LYRM4: variants seen among roughly 807,000 people sequenced by gnomAD.
LYRM4 encodes the protein LYR motif containing 4.
A neutral mutation model predicts 11.7 loss-of-function variants in LYRM4; 9 were observed. The observed-to-expected ratio is 0.77, with a 90% CI of 0.46 to 1.34. The LOEUF is 1.34. LYRM4 is among the 40% of genes most tolerant of loss of function. The probability of loss-of-function intolerance (pLI) is 0.00; values close to 1 mark genes in which losing one functional copy is unlikely to be tolerated. For missense variants in LYRM4, 133 were observed against 112.5 expected, an observed-to-expected ratio of 1.18 and a Z score of -0.82; for synonymous variants, 42 against 40.4, an observed-to-expected ratio of 1.04 and a Z score of -0.15.
chr6:5,086,508 C>T, the LYRM4 span: 1 of 1,535,354 alleles, frequency 6.5e-7, no homozygotes, highest in African/African-American at 1.4e-5. Flanking sequence ...ACTGGGACAA[C>T]AACGCGGGCG....
chr6:5,251,347 G>A (rs1003707607), intron 1 of LYRM4, among the ~76,000 whole-genome samples: 1 of 152,210 alleles, frequency 6.6e-6, no homozygotes, highest in Non-Finnish European at 1.5e-5. Context: ...GAATTAGTCT[G>A]TTCTCACATT....
At position 5,154,804 on chromosome 6, in the gene LYRM4, GC is replaced by G. The variant is rs1561835378; in HGVS notation, c.208-45314del. ...ACTGCACTCCAGCCTGGGCGACAGA[GC>G]GAGACTCCGTCTCAAAAAATAAATG... On this transcript the variant is annotated intron_variant, in intron 2 of 2. Transcript: ENST00000330636. Among the ~76,000 whole-genome samples the G allele has an allele frequency of 2.6e-5, 4 of 152,114 alleles. No homozygotes were observed. The East Asian group carries it at 7.7e-4, about 29-fold the overall frequency.
intron 2 of LYRM4, among the ~76,000 whole-genome samples, chr6:5,168,015 G>A (rs558617630): frequency 5.0e-4 from 76 of 151,890 alleles, no homozygotes; most frequent in Non-Finnish European, 8.8e-4. Context: ...TCCCACTGGC[G>A]GATGTGGGAC....
At chr6:5,062,120 T>C in the LYRM4 span, among the ~76,000 whole-genome samples, 37,653 of 139,860 alleles carry the variant, frequency 0.27, 5,547 homozygotes, top group African/African-American at 0.34. Context: ...GGTCTCGCTC[T>C]GTTGCCCAGG....
intron 2 of LYRM4, chr6:5,113,211 G>A (rs1762962676): frequency 1.1e-5 from 4 of 351,698 alleles, no homozygotes; most frequent in Non-Finnish European, 2.3e-5. Context: ...GAGACGGGTG[G>A]ATCACGAGGT....
intron 2 of LYRM4, among the ~76,000 whole-genome samples, chr6:5,120,119 T>C (rs1443035992): frequency 6.6e-6 from 1 of 152,012 alleles, no homozygotes; most frequent in African/African-American, 2.4e-5. Context: ...CTGGTCATCA[T>C]CTCCTGACCT....
At chr6:5,214,574 T>C (rs947829488) in intron 2 of LYRM4, among the ~76,000 whole-genome samples, 1 of 151,606 alleles carries the variant, frequency 6.6e-6, no homozygotes, top group South Asian at 2.1e-4. Flanking sequence ...TGGGGTGGAG[T>C]AGGGGCAGGG....
chr6:5,221,322 T>C (rs186363504), intron 1 of LYRM4, among the ~76,000 whole-genome samples: 11 of 152,370 alleles, frequency 7.2e-5, no homozygotes, highest in Admixed American at 6.5e-4. Context: ...ACCTTCCTTC[T>C]GAGGTCCAAA....
chr6:5,034,959 G>C, the LYRM4 span, among the ~76,000 whole-genome samples: 1 of 151,782 alleles, frequency 6.6e-6, no homozygotes, highest in Non-Finnish European at 1.5e-5. Context: ...TGGGAGAATT[G>C]TAAAAATACC....
intron 2 of LYRM4, among the ~76,000 whole-genome samples, chr6:5,209,057 C>A (rs1371333333): frequency 6.6e-6 from 1 of 152,102 alleles, no homozygotes; most frequent in Non-Finnish European, 1.5e-5. Flanking sequence ...GTATTTAAAT[C>A]TCCTTTGCCT....
chr6:5,138,027 G>A (rs1757189168), intron 2 of LYRM4, among the ~76,000 whole-genome samples: 1 of 152,160 alleles, frequency 6.6e-6, no homozygotes, highest in Admixed American at 6.5e-5. Context: ...GGGGAAGGTG[G>A]TGGCTCCACA....
At chr6:5,217,340 T>G (rs532585312) in intron 1 of LYRM4, among the ~76,000 whole-genome samples, 1 of 152,292 alleles carries the variant, frequency 6.6e-6, no homozygotes, top group East Asian at 1.9e-4. Context: ...ACCTCCATCT[T>G]GAAAGTGCAC....
At chr6:5,113,607 C>T (rs1762983996) in intron 2 of LYRM4, among the ~76,000 whole-genome samples, 1 of 152,154 alleles carries the variant, frequency 6.6e-6, no homozygotes, top group Non-Finnish European at 1.5e-5. Context: ...GAATGAAGGC[C>T]CAGAAAAATC....
the LYRM4 span, among the ~76,000 whole-genome samples, chr6:5,083,851 C>T: frequency 3.3e-5 from 5 of 152,182 alleles, no homozygotes; most frequent in Admixed American, 6.5e-5. Context: ...TTTCTAGAAT[C>T]CCCAACTTTC....
the LYRM4 span, among the ~76,000 whole-genome samples, chr6:5,048,954 G>A: frequency 3.0e-4 from 45 of 152,312 alleles, 1 homozygote; most frequent in Admixed American, 2.9e-3. Context: ...AGTGCACTCA[G>A]GGAGAGCCAG....
chr6:5,034,917 A>G, the LYRM4 span, among the ~76,000 whole-genome samples: 1 of 151,818 alleles, frequency 6.6e-6, no homozygotes, highest in African/African-American at 2.4e-5. Context: ...CCTGCAGGGC[A>G]GGCGAGGCGA....
At chr6:5,195,198 A>G (rs1274951476) in intron 2 of LYRM4, among the ~76,000 whole-genome samples, 2 of 152,206 alleles carry the variant, frequency 1.3e-5, no homozygotes, top group Admixed American at 6.5e-5. Context: ...ACCTCACCCT[A>G]GAGACCTGGA....
intron 2 of LYRM4, among the ~76,000 whole-genome samples, chr6:5,143,544 C>T (rs1280088624): frequency 3.3e-5 from 5 of 152,174 alleles, no homozygotes; most frequent in African/African-American, 4.8e-5. Flanking sequence ...TAGGCCTAAG[C>T]TCAGAGGGCC....
intron 2 of LYRM4, among the ~76,000 whole-genome samples, chr6:5,207,935 C>G (rs143761104): frequency 2.1e-4 from 32 of 152,302 alleles, no homozygotes; most frequent in East Asian, 1.4e-3. Context: ...TTGTCTCCTT[C>G]TGTCAAGATA....
Sources: allele counts gnomAD v4.1 joint callset (sites outside exome capture counted in the v4.1 genomes callset), GRCh38; gene constraint gnomAD v4.1.1; transcripts MANE v1.5; gene names NCBI Gene and HGNC (gene_info 2026-07-23, HGNC 2026-07-21).